Variants in CDKL5 observed in about 807,000 individuals in gnomAD.
CDKL5 encodes cyclin dependent kinase like 5, also known as cyclin-dependent kinase-like 5.
Under a neutral mutation model 61.7 loss-of-function variants are expected in CDKL5, and 8 were observed. The observed-to-expected ratio is 0.13, with a 90% CI of 0.08 to 0.23. The LOEUF is 0.23. Among genes scored for constraint, CDKL5 ranks in the 10% least tolerant of loss-of-function variants. CDKL5 has a pLI of 1.00. For synonymous variants in CDKL5, 275 were observed against 272.3 expected (o/e 1.01, Z -0.10); for missense variants, 440 against 734.5 (o/e 0.60, Z 4.63).
At chrX:18,518,388 ATTTTTTTTTTTTTTTTTTT>A (rs779361711) in intron 3 of CDKL5, among the ~76,000 whole-genome samples, 11 of 21,162 alleles carry the variant, frequency 5.2e-4, no homozygotes, top group African/African-American at 1.1e-3. Flanking sequence ...TTCTTTTCTT[ATTTTTTTTTTTTTTTTTTT>A]TTTTTTTTTT....
intron 15 of CDKL5, among the ~76,000 whole-genome samples, chrX:18,614,037 C>T (rs1926644256): frequency 8.9e-6 from 1 of 111,760 alleles, no homozygotes; most frequent in Non-Finnish European, 1.9e-5. Flanking sequence ...CCCTGAAAGA[C>T]TGCCCAGGTT....
chrX:18,614,454 A>G (rs1184611432), intron 15 of CDKL5, among the ~76,000 whole-genome samples: 2 of 111,815 alleles, frequency 1.8e-5, no homozygotes, highest in Non-Finnish European at 3.8e-5. Flanking sequence ...GACTGTGTCT[A>G]TTTGTCTCTT....
rs201816691 is a variant in CDKL5 at position 18,481,320 on chromosome X, G to GTTTCTTTCTTTCTTTCTTTCTTTC, written c.-162-25587_-162-25564dup. On this transcript the variant is annotated intron_variant, in intron 1 of 17. Transcript: ENST00000623535. ...TCAGCCATTTCACCAAAGAGTCCTG[G>GTTTCTTTCTTTCTTTCTTTCTTTC]TTTCTTTCTTTCTTTCTTTCTTTCT... Among the ~76,000 whole-genome samples the GTTTCTTTCTTTCTTTCTTTCTTTC allele has an allele frequency of 2.0e-3, 173 of 84,688 alleles. 3 individuals carry two copies. Among genetic ancestry groups the GTTTCTTTCTTTCTTTCTTTCTTTC allele is most frequent in the East Asian group, 9.2e-3 (23 of 2,509 alleles). The allele number at this position is 84,688 out of a possible 115,157, so 73.5% of individuals were successfully genotyped here.
At chrX:18,468,486 C>A (rs2147652784) in intron 1 of CDKL5, among the ~76,000 whole-genome samples, 1 of 111,893 alleles carries the variant, frequency 8.9e-6, no homozygotes, top group African/African-American at 3.2e-5. Flanking sequence ...AGTTCTATAC[C>A]ATTTTGTGGG....
At chrX:18,549,574 C>T (rs1352376816) in intron 3 of CDKL5, among the ~76,000 whole-genome samples, 1 of 111,761 alleles carries the variant, frequency 8.9e-6, no homozygotes, top group Non-Finnish European at 1.9e-5. Flanking sequence ...TTTATCATGT[C>T]CCCAGGAAAG....
chrX:18,590,754 A>C (rs998489921), intron 9 of CDKL5, among the ~76,000 whole-genome samples: 2 of 112,062 alleles, frequency 1.8e-5, no homozygotes, highest in Non-Finnish European at 1.9e-5. Flanking sequence ...AACATTTGTC[A>C]TACTAGGTGT....
intron 1 of CDKL5, among the ~76,000 whole-genome samples, chrX:18,441,817 C>T (rs1931752133): frequency 9.0e-6 from 1 of 111,211 alleles, no homozygotes; most frequent in Non-Finnish European, 1.9e-5. Context: ...GTCCCTTTCT[C>T]AGTGATATTC....
At chrX:18,506,010 C>T (rs1602229966) in intron 1 of CDKL5, among the ~76,000 whole-genome samples, 1 of 112,665 alleles carries the variant, frequency 8.9e-6, no homozygotes, top group East Asian at 2.8e-4. Context: ...TCTCTTCTCC[C>T]CCATTTATTT....
intron 3 of CDKL5, among the ~76,000 whole-genome samples, chrX:18,511,635 C>T (rs1161526717): frequency 9.0e-6 from 1 of 111,514 alleles, no homozygotes; most frequent in East Asian, 2.8e-4. Flanking sequence ...GCTATACCAT[C>T]TAGGTTTGTG....
downstream of CDKL5, chrX:18,644,726 C>A: frequency 1.1e-6 from 1 of 881,217 alleles, no homozygotes; most frequent in Non-Finnish European, 1.6e-6. Context: ...TCCAAAGAGC[C>A]CCCTGCCAAG....
intron 12 of CDKL5, 42 bp downstream of exon 12, chrX:18,604,910 G>A: frequency 8.3e-7 from 1 of 1,201,014 alleles, no homozygotes; most frequent in East Asian, 3.0e-5. Flanking sequence ...GCCCTTCAGG[G>A]GAAGGTGGTA....
rs748392849 is a variant in CDKL5, at chrX:18,639,276, CAT to C, written c.*10522_*10523del. 8.9e-6 allele frequency among the ~76,000 whole-genome samples: 1 copy of C among 112,289 alleles called. No homozygotes were observed. Among genetic ancestry groups the C allele is most frequent in the East Asian group, 2.8e-4 (1 of 3,615 alleles). ...AGAATGGGAGAAAATATTTGCAAAT[CAT>C]ATCCAATAAGGGAATTAGAATATAC... is the stretch of plus-strand genomic sequence containing the variant. On this transcript the variant is annotated 3_prime_UTR_variant, in exon 18 of 18. Transcript: ENST00000623535.
chrX:18,646,603 A>G (rs746330936), intron 20 of CDKL5, among the ~76,000 whole-genome samples: 1 of 112,167 alleles, frequency 8.9e-6, no homozygotes, highest in East Asian at 2.8e-4. Context: ...GACCACAGTC[A>G]TTAACGTGGC....
intron 3 of CDKL5, among the ~76,000 whole-genome samples, chrX:18,522,200 C>G (rs775039848): frequency 1.2e-4 from 13 of 110,519 alleles, no homozygotes; most frequent in African/African-American, 3.6e-4. Flanking sequence ...TGTTTAACTT[C>G]TTTTAGCAAT....
intron 5 of CDKL5, 36 bp downstream of exon 5, chrX:18,575,526 A>G: frequency 8.6e-7 from 1 of 1,158,330 alleles, no homozygotes; most frequent in South Asian, 1.8e-5. Flanking sequence ...CATTTGCCCG[A>G]TTCTTTTATT....
At chrX:18,522,635 G>T in intron 3 of CDKL5, among the ~76,000 whole-genome samples, 1 of 106,996 alleles carries the variant, frequency 9.3e-6, no homozygotes, top group South Asian at 4.1e-4. Flanking sequence ...GTAAGCCACC[G>T]CACCTCGCTG....
rs267608667 is a variant in CDKL5, at chrX:18,653,463, G to T, written c.3012G>T (p.Arg1004Ser). ...CTTTCTTCGTGAGACACGTTATGAGGGAAGCCCTGATTCACAGGGCCCAGG... is the reference window on the plus strand; with the variant it reads ...CTTTCTTCGTGAGACACGTTATGAGTGAAGCCCTGATTCACAGGGCCCAGG... The change falls in exon 22 of 22, where the codon AGG (arginine) becomes AGT (serine). Residue 1004 changes from arginine to serine, a missense_variant. By Grantham distance (110) the Arg-to-Ser change is moderately radical (BLOSUM62 -1). Coordinates refer to the CDKL5 transcript ENST00000379989. 5.8e-6 allele frequency: 7 copies of T among 1,211,409 alleles called. No individual in the cohort carries two copies. The South Asian group carries it at 1.2e-4, about 21-fold the overall frequency.
chrX:18,609,978 G>T (rs1400366709), intron 14 of CDKL5, among the ~76,000 whole-genome samples: 1 of 112,108 alleles, frequency 8.9e-6, no homozygotes, highest in Non-Finnish European at 1.9e-5. Flanking sequence ...CGGGAGGAGA[G>T]ATGGACACTA....
intron 4 of CDKL5, among the ~76,000 whole-genome samples, chrX:18,574,493 A>G (rs1331616430): frequency 9.0e-6 from 1 of 111,729 alleles, no homozygotes; most frequent in Admixed American, 9.5e-5. Flanking sequence ...GGTAAATCTA[A>G]AGGTATAATA....
Sources: allele counts gnomAD v4.1 joint callset (sites outside exome capture counted in the v4.1 genomes callset), GRCh38; gene constraint gnomAD v4.1.1; transcripts MANE v1.5; gene names NCBI Gene and HGNC (gene_info 2026-07-23, HGNC 2026-07-21).